MFSD8: variants seen among roughly 807,000 people sequenced by gnomAD.
The protein encoded by MFSD8 is major facilitator superfamily domain containing 8.
MFSD8 carries 55 observed loss-of-function variants against 66.4 expected under a neutral mutation model. That is an observed-to-expected ratio of 0.83 (90% CI 0.67 to 1.04). MFSD8 has a LOEUF of 1.04. Among genes scored for constraint, MFSD8 ranks in the 50% least tolerant of loss-of-function variants. The pLI is 0.00. For synonymous variants in MFSD8, 202 were observed against 212.8 expected, an observed-to-expected ratio of 0.95 and a Z score of 0.44; for missense variants, 550 against 627.6, an observed-to-expected ratio of 0.88 and a Z score of 1.32.
chr4:127,940,538 A>ATATATATATG (rs890487889), intron 5 of MFSD8, among the ~76,000 whole-genome samples: 19 of 140,684 alleles, frequency 1.4e-4, no homozygotes, highest in African/African-American at 3.4e-4. Flanking sequence ...ATATATATAT[A>ATATATATATG]TGTGTGTGTG....
intron 1 of MFSD8, among the ~76,000 whole-genome samples, chr4:127,958,414 A>G (rs1743232161): frequency 6.6e-6 from 1 of 152,198 alleles, no homozygotes; most frequent in Admixed American, 6.5e-5. Context: ...TTAATTTCTT[A>G]AAAATAAGCC....
At chr4:127,948,364 A>G (rs534355619) in intron 3 of MFSD8, among the ~76,000 whole-genome samples, 15 of 152,132 alleles carry the variant, frequency 9.9e-5, no homozygotes, top group Non-Finnish European at 2.2e-4. Flanking sequence ...GTGAGTGGGG[A>G]GAAGTAATGC....
chr4:127,939,963 T>C lies in MFSD8; in HGVS notation c.588A>G (p.Lys196=), dbSNP rs769124699. The C allele has an allele frequency of 6.2e-7, 1 of 1,612,288 alleles. No individual in the cohort carries two copies. The highest frequency in any genetic ancestry group is 8.5e-7 in the Non-Finnish European group (1 of 1,178,778). The change falls in exon 6 of 12, where the codon AAA becomes AAG. Residue 196 remains lysine, a synonymous_variant. Coordinates refer to ENST00000641686, the MANE Select transcript of MFSD8 (RefSeq NM_001371596.2). ...FQTCFTFLGE[K]GVTWDVIKLQ... is the part of the protein sequence containing the mutation. Reference sequence around the variant, plus strand: ...GTTTAATCACATCCCATGTCACACCTTTTTCTCCAAGGAATGTAAAACAAG... The same window carrying C: ...GTTTAATCACATCCCATGTCACACCCTTTTCTCCAAGGAATGTAAAACAAG...
At chr4:127,940,945 C>A (rs1183897799) in intron 5 of MFSD8, among the ~76,000 whole-genome samples, 1 of 152,084 alleles carries the variant, frequency 6.6e-6, no homozygotes, top group Non-Finnish European at 1.5e-5. Flanking sequence ...TTGGAAAAGT[C>A]ATCGAAGCTT....
intron 5 of MFSD8, among the ~76,000 whole-genome samples, chr4:127,941,367 T>C (rs746920045): frequency 8.5e-5 from 13 of 152,200 alleles, no homozygotes; most frequent in Admixed American, 2.0e-4. Flanking sequence ...ATTCAAAATA[T>C]GGACCAATTA....
intron 5 of MFSD8, among the ~76,000 whole-genome samples, chr4:127,940,750 T>G (rs1740051438): frequency 6.8e-6 from 1 of 147,322 alleles, no homozygotes; most frequent in Non-Finnish European, 1.5e-5. Flanking sequence ...AATTTGGATC[T>G]GTGGCAAAAA....
At chr4:127,933,216 CT>C in intron 7 of MFSD8, 123 bp from the exon 8 acceptor site, 1 of 744,466 alleles carries the variant, frequency 1.3e-6, no homozygotes, top group Non-Finnish European at 2.2e-6. Flanking sequence ...AATTTTTAGG[CT>C]TCAAAGTAGT....
intron 9 of MFSD8, among the ~76,000 whole-genome samples, chr4:127,925,810 T>C (rs1295041003): frequency 6.6e-6 from 1 of 152,142 alleles, no homozygotes; most frequent in African/African-American, 2.4e-5. Flanking sequence ...TACAGCACTA[T>C]TCACAATAGT....
chr4:127,933,250 A>G (rs1220838372), intron 7 of MFSD8, 157 bp from the exon 8 acceptor site: 9 of 593,754 alleles, frequency 1.5e-5, no homozygotes, highest in Non-Finnish European at 2.4e-5. Flanking sequence ...GAATTTGTTT[A>G]TTTTTATTTT....
Position 127,965,066 on chromosome 4 carries a change from G to A in MFSD8, c.62+6C>T, listed in dbSNP as rs1224206833. 1 of 1,613,334 alleles carries A rather than the reference G, an allele frequency of 6.2e-7. No homozygotes were observed. Among genetic ancestry groups the A allele is most frequent in the Non-Finnish European group, 8.5e-7 (1 of 1,179,776 alleles). ...CTGAGGGGTCCCTCCACCAGGATCC[G>A]CTCACCTGCTTCCAGGTGTGTCGCC... On this transcript the variant is annotated splice_donor_region_variant and intron_variant, in intron 1 of 11. Transcript: ENST00000641686.
upstream of MFSD8, chr4:127,965,329 G>C (rs1744919079): frequency 1.5e-6 from 1 of 664,106 alleles, no homozygotes; most frequent in South Asian, 1.8e-5. Flanking sequence ...AGGAGGCTGT[G>C]TCCTCAGCCT....
rs752118814 is a variant in MFSD8 at position 127,933,099 on chromosome 4, G to A, written c.755-6C>T. 39 of 1,609,108 alleles carry A rather than the reference G, an allele frequency of 2.4e-5. No homozygotes were observed. The highest frequency in any genetic ancestry group is 3.2e-5 in the Non-Finnish European group (38 of 1,175,904). ...CTGAGCTTCATCTGTACTTGCTATA[G>A]GGAAATAGGAGAAAAATTACATTAC... On this transcript the variant is annotated splice_polypyrimidine_tract_variant and splice_region_variant and intron_variant, in intron 7 of 11. Coordinates refer to ENST00000641686, the MANE Select transcript of MFSD8 (RefSeq NM_001371596.2).
intron 2 of MFSD8, among the ~76,000 whole-genome samples, chr4:127,956,361 G>C (rs192482811): frequency 6.6e-6 from 1 of 151,038 alleles, no homozygotes; most frequent in Admixed American, 6.6e-5. Context: ...AACAATTAGC[G>C]TGGTGGCGGG....
Position 127,921,965 on chromosome 4 carries a change from T to C in MFSD8, c.999-2A>G. The C allele has an allele frequency of 6.2e-7, 1 of 1,612,950 alleles. No individual in the cohort carries two copies. Among genetic ancestry groups the C allele is most frequent in the Non-Finnish European group, 8.5e-7 (1 of 1,179,084 alleles). On this transcript the variant is annotated splice_acceptor_variant, in intron 9 of 11. Transcript: ENST00000641686. LOFTEE classifies it high-confidence loss of function. The stretch of plus-strand genomic sequence containing the variant: ...AGTAGAATAGCACGCTCGCCAATCC[T>C]GTTAAAGAACAGAAACTCTGTAATT...
At position 127,933,199 on chromosome 4, in the gene MFSD8, T is replaced by A. The variant is rs149233621; in HGVS notation, c.755-106A>T. 2,005 of 913,076 alleles carry A rather than the reference T, an allele frequency of 2.2e-3. 31 individuals carry two copies. In the African/African-American group the frequency reaches 0.03, roughly 14 times the overall value. The allele number at this position is 913,076 out of a possible 1,614,324, so 56.6% of individuals were successfully genotyped here. A position where few individuals can be genotyped will look rare whatever the true frequency, so the allele number is the denominator to read the frequency against. ...TGTAGCAAAATTTATAAATAAACAT[T>A]TAAAAAAATTTTTAGGCTTCAAAGT... On this transcript the variant is annotated intron_variant, in intron 7 of 11. Coordinates refer to ENST00000641686, the MANE Select transcript of MFSD8 (RefSeq NM_001371596.2).
At chr4:127,937,844 G>A (rs1297635942) in intron 7 of MFSD8, among the ~76,000 whole-genome samples, 1 of 152,098 alleles carries the variant, frequency 6.6e-6, no homozygotes, top group Non-Finnish European at 1.5e-5. Flanking sequence ...AAATAAAAGA[G>A]CTATGAAAGT....
intron 11 of MFSD8, 43 bp from the exon 12 acceptor site, chr4:127,920,879 T>C (rs1378042848): frequency 6.4e-7 from 1 of 1,571,288 alleles, no homozygotes. Flanking sequence ...GATATTGGGG[T>C]TTAGTTATTT....
intron 7 of MFSD8, among the ~76,000 whole-genome samples, chr4:127,937,239 T>G (rs1739235954): frequency 6.6e-6 from 1 of 152,210 alleles, no homozygotes; most frequent in Non-Finnish European, 1.5e-5. Flanking sequence ...CAAATGCCTG[T>G]GGGATTTTTT....
chr4:127,941,533 G>A (rs1220297241), intron 5 of MFSD8, among the ~76,000 whole-genome samples: 1 of 152,088 alleles, frequency 6.6e-6, no homozygotes, highest in East Asian at 1.9e-4. Flanking sequence ...TGTGATCTCA[G>A]CTCACTGCAA....
Sources: allele counts gnomAD v4.1 joint callset (sites outside exome capture counted in the v4.1 genomes callset), GRCh38; gene constraint gnomAD v4.1.1; transcripts MANE v1.5; gene names NCBI Gene and HGNC (gene_info 2026-07-23, HGNC 2026-07-21).